Variants in LPAR1 observed in about 807,000 individuals in gnomAD.
LPAR1 encodes the protein lysophosphatidic acid receptor 1.
In LPAR1, 5 loss-of-function variants were observed where a neutral mutation model predicts 23.8. The ratio of observed to expected loss-of-function variants is 0.21; its 90% CI spans 0.11 to 0.44. The LOEUF is 0.44. Among genes scored for constraint, LPAR1 ranks in the 20% least tolerant of loss-of-function variants. The pLI, the probability that LPAR1 is intolerant of heterozygous loss-of-function variation, is 0.99. For missense variants in LPAR1, 311 were observed against 482.8 expected (o/e 0.64, Z 3.33); for synonymous variants, 160 against 164.7 (o/e 0.97, Z 0.22).
intron 4 of LPAR1, among the ~76,000 whole-genome samples, chr9:110,961,631 A>G (rs2095990525): frequency 6.6e-6 from 1 of 151,534 alleles, no homozygotes; most frequent in Non-Finnish European, 1.5e-5. Flanking sequence ...AAAAAAAAAA[A>G]AAAAAAAAAG....
chr9:110,992,179 T>A (rs1298425974), intron 2 of LPAR1, among the ~76,000 whole-genome samples: 2 of 152,048 alleles, frequency 1.3e-5, no homozygotes, highest in Non-Finnish European at 2.9e-5. Flanking sequence ...CCAAAGCATA[T>A]AAGAAATTTC....
intron 4 of LPAR1, among the ~76,000 whole-genome samples, chr9:110,943,782 C>T (rs2095267704): frequency 6.6e-6 from 1 of 151,328 alleles, no homozygotes; most frequent in African/African-American, 2.4e-5. Context: ...ATCGCTTGAA[C>T]CCGGGAGGTG....
intron 2 of LPAR1, among the ~76,000 whole-genome samples, chr9:110,998,254 G>A (rs2097058151): frequency 6.6e-6 from 1 of 152,174 alleles, no homozygotes; most frequent in Admixed American, 6.5e-5. Flanking sequence ...TCTGATAAGT[G>A]TCTGAAGTGT....
intron 2 of LPAR1, among the ~76,000 whole-genome samples, chr9:111,000,257 C>T (rs545285453): frequency 1.3e-5 from 2 of 152,266 alleles, no homozygotes; most frequent in South Asian, 4.1e-4. Context: ...TTCATGGCCT[C>T]CTGAATATGG....
rs1392171143 is a variant in LPAR1, at chr9:111,038,321, C to G, written c.-416G>C. ...CCCAGAGCGGGGCCGCCCCCTGCGCCCACCCCGCCGGGGTCCCGTGCTCGG... is the reference window on the plus strand; with the variant it reads ...CCCAGAGCGGGGCCGCCCCCTGCGCGCACCCCGCCGGGGTCCCGTGCTCGG... On this transcript the variant is annotated 5_prime_UTR_variant, in exon 1 of 6. Transcript: ENST00000683809. The surrounding 1 kb of genome is among the most constrained non-coding windows in gnomAD (Gnocchi z 4.4). The G allele has an allele frequency of 6.7e-6, 1 of 150,102 alleles. No homozygotes were observed. The highest frequency in any genetic ancestry group is 2.0e-4 in the East Asian group (1 of 5,096). The allele number at this position is 150,102 out of a possible 1,614,324, so 9.3% of individuals were successfully genotyped here.
chr9:110,958,218 G>GA (rs1475452660), intron 4 of LPAR1, among the ~76,000 whole-genome samples: 1 of 152,076 alleles, frequency 6.6e-6, no homozygotes, highest in East Asian at 1.9e-4. Context: ...CACAGAAATA[G>GA]AAAAAACAAT....
intron 2 of LPAR1, among the ~76,000 whole-genome samples, chr9:110,994,218 C>A (rs1213630222): frequency 6.6e-6 from 1 of 152,114 alleles, no homozygotes; most frequent in African/African-American, 2.4e-5. Flanking sequence ...AAACATGTAA[C>A]AAACCCACTG....
rs1195708560 is a variant in LPAR1 at position 110,873,282 on chromosome 9, A to G, written c.*2139T>C. The G allele has an allele frequency of 6.6e-6, 1 of 152,232 alleles. No homozygotes were observed. Among genetic ancestry groups the G allele is most frequent in the Non-Finnish European group, 1.5e-5 (1 of 68,044 alleles). The allele number at this position is 152,232 out of a possible 1,614,324, so 9.4% of individuals were successfully genotyped here. A position where few individuals can be genotyped will look rare whatever the true frequency, so the allele number is the denominator to read the frequency against. ...AAACGCTGATTGAAAATGATTTATTAAAGTCCAATTAGTATGCTTTTCATT... is the reference window on the plus strand; with the variant it reads ...AAACGCTGATTGAAAATGATTTATTGAAGTCCAATTAGTATGCTTTTCATT... On this transcript the variant is annotated 3_prime_UTR_variant, in exon 6 of 6. Coordinates refer to ENST00000683809, the MANE Select transcript of LPAR1 (RefSeq NM_001351411.2).
chr9:111,018,047 A>T (rs1238725779), intron 2 of LPAR1, among the ~76,000 whole-genome samples: 2 of 152,100 alleles, frequency 1.3e-5, no homozygotes, highest in African/African-American at 4.8e-5. Flanking sequence ...AACAAAAAAA[A>T]ACTTTTTCAC....
chr9:110,875,352 G>C lies in LPAR1; in HGVS notation c.*69C>G. The C allele has an allele frequency of 7.3e-7, 1 of 1,373,450 alleles. No individual in the cohort carries two copies. The highest frequency in any genetic ancestry group is 2.6e-4 in the Middle Eastern group (1 of 3,820). The allele number at this position is 1,373,450 out of a possible 1,614,324, so 85.1% of individuals were successfully genotyped here. On this transcript the variant is annotated 3_prime_UTR_variant, in exon 6 of 6. Coordinates refer to ENST00000683809, the MANE Select transcript of LPAR1 (RefSeq NM_001351411.2). ...CTCTCTCACACCCCACCTTGCCCTG[G>C]CAATTGGGTAGGGGGAGGCTGTTTA...
chr9:110,901,669 T>A (rs1235334793), intron 5 of LPAR1, among the ~76,000 whole-genome samples: 4 of 152,100 alleles, frequency 2.6e-5, no homozygotes, highest in Non-Finnish European at 5.9e-5. Flanking sequence ...TCTCATGACA[T>A]GTGGGAATTG....
chr9:111,028,180 G>A (rs931592433), intron 2 of LPAR1, among the ~76,000 whole-genome samples: 1 of 151,446 alleles, frequency 6.6e-6, no homozygotes, highest in Non-Finnish European at 1.5e-5. Context: ...ACCCAGGCTG[G>A]AGTGCAGTGG....
intron 2 of LPAR1, among the ~76,000 whole-genome samples, chr9:111,026,009 G>C (rs562614476): frequency 1.3e-5 from 2 of 151,978 alleles, no homozygotes; most frequent in African/African-American, 4.8e-5. Context: ...TTGGCTATAC[G>C]GGCTCTTTTT....
chr9:111,030,228 G>A (rs2097772178), intron 2 of LPAR1, among the ~76,000 whole-genome samples: 1 of 152,076 alleles, frequency 6.6e-6, no homozygotes, highest in South Asian at 2.1e-4. Flanking sequence ...TTACTTTTCT[G>A]TGCCTAGTCA....
chr9:111,027,540 G>A (rs2097715599), intron 2 of LPAR1, among the ~76,000 whole-genome samples: 1 of 124,616 alleles, frequency 8.0e-6, no homozygotes. Context: ...GGAAACAGCA[G>A]AAAATAAAAA....
chr9:111,024,849 C>G (rs947970268), intron 2 of LPAR1, among the ~76,000 whole-genome samples: 1 of 152,048 alleles, frequency 6.6e-6, no homozygotes, highest in Non-Finnish European at 1.5e-5. Context: ...TGGTTTCCAG[C>G]TTCATCCAAG....
chr9:110,920,278 C>T (rs2135082627), intron 5 of LPAR1, among the ~76,000 whole-genome samples: 1 of 152,286 alleles, frequency 6.6e-6, no homozygotes, highest in Admixed American at 6.5e-5. Context: ...GTCTCTTTTT[C>T]TGAAGCATTT....
intron 5 of LPAR1, among the ~76,000 whole-genome samples, chr9:110,900,571 C>T (rs139808291): frequency 1.3e-5 from 2 of 152,318 alleles, no homozygotes; most frequent in East Asian, 3.9e-4. Context: ...TCTAGTCACA[C>T]ATAAATTCAT....
At chr9:110,925,549 A>G (rs750550720) in intron 5 of LPAR1, among the ~76,000 whole-genome samples, 1 of 152,314 alleles carries the variant, frequency 6.6e-6, no homozygotes, top group Non-Finnish European at 1.5e-5. Flanking sequence ...TGGAATCCCC[A>G]TATAGAACCT....
Sources: allele counts gnomAD v4.1 joint callset (sites outside exome capture counted in the v4.1 genomes callset), GRCh38; gene constraint gnomAD v4.1.1; non-coding constraint Gnocchi (gnomAD v3.1); transcripts MANE v1.5; gene names NCBI Gene and HGNC (gene_info 2026-07-23, HGNC 2026-07-21).